Variants in ROBO2 observed in about 807,000 individuals in gnomAD.
The protein encoded by ROBO2 is roundabout guidance receptor 2, also known as roundabout homolog 2.
In ROBO2, 53 loss-of-function variants were observed where a neutral mutation model predicts 160.8. The observed-to-expected ratio is 0.33, with a 90% confidence interval of 0.26 to 0.41. ROBO2 has a LOEUF of 0.41. Among genes scored for constraint, ROBO2 ranks in the 10% least tolerant of loss-of-function variants. The pLI, the probability that ROBO2 is intolerant of heterozygous loss-of-function variation, is 1.00. For missense variants in ROBO2, 1,577 were observed against 1,722.4 expected (o/e 0.92, Z 1.49); for synonymous variants, 664 against 611.7 (o/e 1.09, Z -1.26).
chr3:76,404,820 G>A (rs1359130100), intron 2 of ROBO2, among the ~76,000 whole-genome samples: 1 of 151,580 alleles, frequency 6.6e-6, no homozygotes, highest in Non-Finnish European at 1.5e-5. Flanking sequence ...AATTGAAAAA[G>A]TTAAACGATA....
chr3:77,560,480 T>C (rs2093286130), intron 9 of ROBO2, among the ~76,000 whole-genome samples: 1 of 152,130 alleles, frequency 6.6e-6, no homozygotes, highest in South Asian at 2.1e-4. Context: ...ACGTTGTTCT[T>C]TTCCTGTAAC....
chr3:76,447,823 A>G (rs1361391559), intron 2 of ROBO2, among the ~76,000 whole-genome samples: 2 of 144,106 alleles, frequency 1.4e-5, no homozygotes, highest in Non-Finnish European at 3.0e-5. Flanking sequence ...TTTCTCACTC[A>G]TAGGTGGGAA....
At chr3:76,401,154 C>T (rs1042789692) in intron 2 of ROBO2, among the ~76,000 whole-genome samples, 1 of 151,578 alleles carries the variant, frequency 6.6e-6, no homozygotes, top group South Asian at 2.1e-4. Flanking sequence ...GTGCACAGCT[C>T]AGTCATCACA....
chr3:77,251,152 TCTGC>T, intron 2 of ROBO2, among the ~76,000 whole-genome samples: 1 of 152,090 alleles, frequency 6.6e-6, no homozygotes, highest in East Asian at 1.9e-4. Context: ...GTGGCAAGTC[TCTGC>T]CTGGGCCCCC....
intron 2 of ROBO2, among the ~76,000 whole-genome samples, chr3:77,431,202 G>A (rs1349097899): frequency 1.3e-5 from 2 of 152,160 alleles, no homozygotes; most frequent in Non-Finnish European, 2.9e-5. Context: ...TGTCTGAGAG[G>A]TGATGATACC....
chr3:77,602,697 G>GCCACCACCACCTCCTCCA (rs2094457238), intron 20 of ROBO2, among the ~76,000 whole-genome samples: 1 of 53,906 alleles, frequency 1.9e-5, no homozygotes, highest in Non-Finnish European at 3.6e-5. Context: ...CACCGCCGCC[G>GCCACCACCACCTCCTCCA]CCACCACCAC....
intron 2 of ROBO2, among the ~76,000 whole-genome samples, chr3:76,708,499 A>T (rs1485987661): frequency 1.3e-5 from 2 of 152,340 alleles, no homozygotes; most frequent in East Asian, 3.9e-4. Flanking sequence ...AATTATTTGC[A>T]TAATAAACTT....
intron 2 of ROBO2, among the ~76,000 whole-genome samples, chr3:77,350,525 A>G (rs2068212901): frequency 6.6e-6 from 1 of 152,104 alleles, no homozygotes; most frequent in South Asian, 2.1e-4. Flanking sequence ...ATCATTCTGT[A>G]CTCGAAGTGC....
At chr3:76,562,289 T>C (rs1489273312) in intron 2 of ROBO2, among the ~76,000 whole-genome samples, 1 of 151,974 alleles carries the variant, frequency 6.6e-6, no homozygotes, top group African/African-American at 2.4e-5. Context: ...CATAAAATAC[T>C]TCCTATAATA....
intron 2 of ROBO2, among the ~76,000 whole-genome samples, chr3:76,229,127 C>T (rs1160582113): frequency 6.6e-6 from 1 of 152,058 alleles, no homozygotes. Flanking sequence ...AAACCCACTG[C>T]ATTTGGAGAA....
At chr3:76,833,860 T>A (rs2067294393) in intron 2 of ROBO2, among the ~76,000 whole-genome samples, 2 of 152,196 alleles carry the variant, frequency 1.3e-5, no homozygotes, top group South Asian at 4.1e-4. Context: ...AAATGCTTAC[T>A]GTGTTTTTGC....
At chr3:77,475,716 A>T (rs2153583656) in intron 2 of ROBO2, among the ~76,000 whole-genome samples, 1 of 152,318 alleles carries the variant, frequency 6.6e-6, no homozygotes, top group African/African-American at 2.4e-5. Context: ...TTTAGAATAT[A>T]AATGAGTCAC....
chr3:77,549,083 A>C (rs1437857501), intron 7 of ROBO2, among the ~76,000 whole-genome samples: 1 of 151,894 alleles, frequency 6.6e-6, no homozygotes, highest in Non-Finnish European at 1.5e-5. Context: ...CAAGGCGGGA[A>C]GAGCTGTGAA....
chr3:76,274,577 A>C (rs1034813462), intron 2 of ROBO2, among the ~76,000 whole-genome samples: 3 of 152,046 alleles, frequency 2.0e-5, no homozygotes, highest in African/African-American at 7.2e-5. Flanking sequence ...GGTGGATCAC[A>C]CCTGTAATTC....
intron 2 of ROBO2, among the ~76,000 whole-genome samples, chr3:77,407,840 G>C (rs566121990): frequency 1.6e-4 from 24 of 152,218 alleles, no homozygotes; most frequent in Non-Finnish European, 2.5e-4. Context: ...TCAAACTTTA[G>C]TTTTGATTTA....
chr3:76,650,536 C>T (rs1297224972), intron 2 of ROBO2, among the ~76,000 whole-genome samples: 2 of 144,822 alleles, frequency 1.4e-5, no homozygotes, highest in African/African-American at 5.1e-5. Flanking sequence ...TGTTTCTATT[C>T]TTACTGAAGT....
intron 2 of ROBO2, among the ~76,000 whole-genome samples, chr3:75,976,794 A>G (rs554749977): frequency 6.6e-6 from 1 of 151,638 alleles, no homozygotes; most frequent in Non-Finnish European, 1.5e-5. Flanking sequence ...GACTCGGAGG[A>G]AATAAAAGGG....
At chr3:77,544,897 C>T (rs1368118872) in intron 6 of ROBO2, among the ~76,000 whole-genome samples, 3 of 152,120 alleles carry the variant, frequency 2.0e-5, no homozygotes, top group Non-Finnish European at 2.9e-5. Context: ...GGGAGACGCC[C>T]TTGTGAAAAC....
At chr3:76,829,237 C>T (rs1318699806) in intron 2 of ROBO2, among the ~76,000 whole-genome samples, 1 of 152,182 alleles carries the variant, frequency 6.6e-6, no homozygotes, top group Non-Finnish European at 1.5e-5. Flanking sequence ...CTGCTTTTCC[C>T]TCAACCTAGT....
Sources: allele counts gnomAD v4.1 joint callset (sites outside exome capture counted in the v4.1 genomes callset), GRCh38; gene constraint gnomAD v4.1.1; transcripts MANE v1.5; gene names NCBI Gene and HGNC (gene_info 2026-07-23, HGNC 2026-07-21).